The following PACRG variants were observed in gnomAD, a reference collection of about 807,000 sequenced individuals.
The protein encoded by PACRG is parkin coregulated gene protein.
In PACRG, 29 loss-of-function variants were observed where a neutral mutation model predicts 29.7. The observed-to-expected ratio is 0.98, with a 90% CI of 0.73 to 1.33. The LOEUF is 1.33. Among genes scored for constraint, PACRG ranks in the 40% most tolerant of loss-of-function variants. The pLI, the probability that PACRG is intolerant of heterozygous loss-of-function variation, is 0.00. For synonymous variants in PACRG, 116 were observed against 118.7 expected (o/e 0.98, Z 0.15); for missense variants, 279 against 316.2 (o/e 0.88, Z 0.89).
chr6:163,311,623 A>T (rs1372458779), intron 4 of PACRG, among the ~76,000 whole-genome samples: 1 of 152,228 alleles, frequency 6.6e-6, no homozygotes, highest in African/African-American at 2.4e-5. Flanking sequence ...CAGCATGAAA[A>T]GTAAAGGAGG....
chr6:162,761,381 T>C lies in PACRG; in HGVS notation c.156+32990T>C, dbSNP rs113704801. ...TCTTTTTTATTTCTTACTACAATTC[T>C]TTTTAAATATAAAGGCGCAGGATCA... is the stretch of plus-strand genomic sequence containing the variant. On this transcript the variant is annotated intron_variant, in intron 1 of 4. Transcript: ENST00000366888. 7.5e-3 allele frequency among the ~76,000 whole-genome samples: 1,147 copies of C among 152,322 alleles called. 17 individuals carry two copies. The highest frequency in any genetic ancestry group is 0.025 in the African/African-American group (1,057 of 41,576).
At chr6:162,727,593 G>GCGGGGCGTGGCGCCATAC (rs1245191042), upstream of PACRG, 3 of 1,502,526 alleles carry the variant, frequency 2.0e-6, no homozygotes, top group African/African-American at 4.2e-5. Context: ...GTCGGCCGAG[G>GCGGGGCGTGGCGCCATAC]CGGGGCGTGG....
chr6:162,730,107 G>T (rs148300795), intron 1 of PACRG, among the ~76,000 whole-genome samples: 27 of 149,084 alleles, frequency 1.8e-4, no homozygotes, highest in African/African-American at 7.5e-5. Context: ...GCACAGTTCT[G>T]GGGATTTGGG....
intron 2 of PACRG, among the ~76,000 whole-genome samples, chr6:162,969,398 T>C (rs1257842402): frequency 6.6e-6 from 1 of 152,088 alleles, no homozygotes; most frequent in Non-Finnish European, 1.5e-5. Context: ...TCATCTCTTC[T>C]GTCCATTGCT....
Position 162,823,100 on chromosome 6 carries a change from A to C in PACRG, c.291+8819A>C, listed in dbSNP as rs183051107. On this transcript the variant is annotated intron_variant, in intron 2 of 4. Transcript: ENST00000366888. ...GGTATGTGGAGAGATACTGTGTCAGAGATTTGTGTCAAGATGCTATGTATA... is the reference window on the plus strand; with the variant it reads ...GGTATGTGGAGAGATACTGTGTCAGCGATTTGTGTCAAGATGCTATGTATA... Among the ~76,000 whole-genome samples, 389 of 152,250 alleles carry C rather than the reference A, an allele frequency of 2.6e-3. 4 individuals carry two copies. The highest frequency in any genetic ancestry group is 0.01 in the Middle Eastern group (3 of 294).
chr6:163,295,370 C>T (rs1300227364), intron 4 of PACRG, among the ~76,000 whole-genome samples: 2 of 152,174 alleles, frequency 1.3e-5, no homozygotes, highest in African/African-American at 2.4e-5. Context: ...TGTTAATTGG[C>T]TTGGCCACAC....
intron 4 of PACRG, among the ~76,000 whole-genome samples, chr6:163,153,982 A>G (rs2128339372): frequency 6.6e-6 from 1 of 152,314 alleles, no homozygotes; most frequent in African/African-American, 2.4e-5. Flanking sequence ...CCCTAAGAGG[A>G]AGAACAGCGG....
chr6:163,259,413 G>A (rs530791335), intron 4 of PACRG, among the ~76,000 whole-genome samples: 2 of 152,250 alleles, frequency 1.3e-5, no homozygotes, highest in South Asian at 2.1e-4. Context: ...GCCAGTTAGT[G>A]GTATCGTCCT....
intron 1 of PACRG, among the ~76,000 whole-genome samples, chr6:162,803,147 G>T (rs1786023412): frequency 6.6e-6 from 1 of 152,132 alleles, no homozygotes; most frequent in Admixed American, 6.6e-5. Flanking sequence ...TCACAGTAGG[G>T]ATGTGGTTTG....
intron 4 of PACRG, among the ~76,000 whole-genome samples, chr6:163,176,771 A>C (rs934085990): frequency 3.3e-5 from 5 of 152,242 alleles, no homozygotes; most frequent in African/African-American, 1.2e-4. Context: ...AATATATTCT[A>C]GGCTAAGGAA....
At chr6:163,158,892 G>A (rs1778433302) in intron 4 of PACRG, among the ~76,000 whole-genome samples, 1 of 152,070 alleles carries the variant, frequency 6.6e-6, no homozygotes, top group Non-Finnish European at 1.5e-5. Context: ...CCATTTTGCA[G>A]TCCAGGTATT....
chr6:163,118,521 TCTGGGTC>T, intron 4 of PACRG, among the ~76,000 whole-genome samples: 1 of 152,244 alleles, frequency 6.6e-6, no homozygotes, highest in Non-Finnish European at 1.5e-5. Context: ...GATCCCCGTT[TCTGGGTC>T]CTTTAAAGGA....
At chr6:163,060,185 A>C (rs1162470004) in intron 2 of PACRG, among the ~76,000 whole-genome samples, 1 of 152,210 alleles carries the variant, frequency 6.6e-6, no homozygotes, top group Non-Finnish European at 1.5e-5. Context: ...ATTAAAATAC[A>C]ACATCTTAGG....
Position 163,296,690 on chromosome 6 carries a change from G to A in PACRG, c.614-18137G>A, listed in dbSNP as rs182311021. ...GGGTTTCCTGACAGACACACTACTC[G>A]AGTAATGACTGTAGCACGCAGAGAT... On this transcript the variant is annotated intron_variant, in intron 4 of 4. Coordinates refer to ENST00000366888, the MANE Select transcript of PACRG (RefSeq NM_001080379.2). 2.8e-3 allele frequency among the ~76,000 whole-genome samples: 430 copies of A among 152,300 alleles called. 2 individuals carry two copies. Among genetic ancestry groups the A allele is most frequent in the Non-Finnish European group, 4.8e-3 (328 of 68,020 alleles).
At chr6:163,279,478 T>C (rs1264682372) in intron 4 of PACRG, among the ~76,000 whole-genome samples, 1 of 152,224 alleles carries the variant, frequency 6.6e-6, no homozygotes, top group African/African-American at 2.4e-5. Flanking sequence ...CTAGTGCAAT[T>C]CTTCCTTTGC....
At chr6:163,208,411 A>G (rs1780995746) in intron 4 of PACRG, among the ~76,000 whole-genome samples, 1 of 119,378 alleles carries the variant, frequency 8.4e-6, no homozygotes, top group Non-Finnish European at 1.7e-5. Flanking sequence ...GCTACATTTT[A>G]CTTTTTTTAA....
At chr6:162,850,198 T>C (rs1790742758) in intron 2 of PACRG, among the ~76,000 whole-genome samples, 3 of 152,252 alleles carry the variant, frequency 2.0e-5, no homozygotes, top group African/African-American at 7.2e-5. Flanking sequence ...TCATCAGATC[T>C]GTATTAAACA....
chr6:163,300,439 G>A (rs941280426), intron 4 of PACRG, among the ~76,000 whole-genome samples: 7 of 147,068 alleles, frequency 4.8e-5, no homozygotes, highest in East Asian at 2.0e-4. Flanking sequence ...GGGGATTTTC[G>A]CCTCAGTAGA....
intron 4 of PACRG, among the ~76,000 whole-genome samples, chr6:163,204,889 A>G (rs762689605): frequency 2.6e-5 from 4 of 152,242 alleles, no homozygotes; most frequent in Non-Finnish European, 4.4e-5. Flanking sequence ...TATAAAATCA[A>G]TGTACAAAAA....
Sources: allele counts gnomAD v4.1 joint callset (sites outside exome capture counted in the v4.1 genomes callset), GRCh38; gene constraint gnomAD v4.1.1; transcripts MANE v1.5; gene names NCBI Gene and HGNC (gene_info 2026-07-23, HGNC 2026-07-21).